Variants in TLE1 observed in about 807,000 individuals in gnomAD.
TLE1 encodes TLE family member 1, transcriptional corepressor.
A neutral mutation model predicts 89.8 loss-of-function variants in TLE1; 21 were observed. The ratio of observed to expected loss-of-function variants is 0.23; its 90% CI spans 0.17 to 0.34. The LOEUF (loss-of-function observed/expected upper bound fraction) is 0.34, where lower values mean the gene tolerates loss of function less well. Among genes scored for constraint, TLE1 ranks in the 10% least tolerant of loss-of-function variants. TLE1 has a pLI of 1.00. For synonymous variants in TLE1, 447 were observed against 407.6 expected (o/e 1.10, Z -1.16); for missense variants, 795 against 1,031.2 (o/e 0.77, Z 3.14).
intron 14 of TLE1, among the ~76,000 whole-genome samples, chr9:81,605,802 CAA>C (rs60746596): frequency 6.8e-5 from 9 of 132,640 alleles, no homozygotes; most frequent in Non-Finnish European, 8.1e-5. Flanking sequence ...TTCTGCACGG[CAA>C]AAAAAAAAAA....
chr9:81,616,063 T>C lies in TLE1; in HGVS notation c.837A>G (p.Leu279=). 3.7e-6 allele frequency: 6 copies of C among 1,614,192 alleles called. No homozygotes were observed. The highest frequency in any genetic ancestry group is 5.1e-6 in the Non-Finnish European group (6 of 1,180,030). The change falls in exon 11 of 20, where the codon CTA becomes CTG. Residue 279 remains leucine (L), a synonymous_variant. Transcript: ENST00000376499. ...CTGGACTGCTAGAAGCATCCTTCTTTAGCAGGCGATTTTTGTCGATTCCAT... is the reference window on the plus strand; with the variant it reads ...CTGGACTGCTAGAAGCATCCTTCTTCAGCAGGCGATTTTTGTCGATTCCAT... The part of the protein sequence containing the change: ...RENGIDKNRL[L]KKDASSSPAS...
intron 8 of TLE1, among the ~76,000 whole-genome samples, chr9:81,622,746 A>G (rs190667950): frequency 1.9e-3 from 283 of 152,292 alleles, no homozygotes; most frequent in African/African-American, 6.4e-3. Flanking sequence ...AATGGGCCCC[A>G]TTCAACAGCA....
In TLE1 at chr9:81,687,390, C is replaced by T. The variant is rs1834432139; in HGVS notation, c.69G>A (p.Pro23=). The T allele has an allele frequency of 6.2e-7, 1 of 1,611,166 alleles. No individual in the cohort carries two copies. The change falls in exon 2 of 20, where the codon CCG becomes CCA. Residue 23 remains proline, a synonymous_variant. Coordinates refer to ENST00000376499, the MANE Select transcript of TLE1 (RefSeq NM_005077.5). Reference sequence around the variant, plus strand: ...CCTCTTTAATCCGGTCCAGGGACTCCGGGATAGTGAACTTGAAGGGCTGGC... The same window carrying T: ...CCTCTTTAATCCGGTCCAGGGACTCTGGGATAGTGAACTTGAAGGGCTGGC... ...AAGQPFKFTI[P]ESLDRIKEEF...
intron 16 of TLE1, 23 bp from the exon 17 acceptor site, chr9:81,587,851 ATAATGATTTCC>A: frequency 6.2e-7 from 1 of 1,602,900 alleles, no homozygotes; most frequent in Non-Finnish European, 8.5e-7. Context: ...ACCAGATTGA[ATAATGATTTCC>A]TGCCAGAGCT....
chr9:81,666,592 T>G (rs536381576), intron 4 of TLE1, among the ~76,000 whole-genome samples: 2 of 151,892 alleles, frequency 1.3e-5, no homozygotes, highest in East Asian at 1.9e-4. Flanking sequence ...CTGACTAACA[T>G]GACGAAACGC....
At chr9:81,630,278 A>G (rs1826408633) in intron 8 of TLE1, among the ~76,000 whole-genome samples, 1 of 152,190 alleles carries the variant, frequency 6.6e-6, no homozygotes. Context: ...AAATACCACA[A>G]AAGAGCGAAT....
In TLE1 at chr9:81,616,675, C is replaced by T. The variant is rs1305554932; in HGVS notation, c.736G>A (p.Asp246Asn). 1.2e-6 allele frequency: 2 copies of T among 1,614,114 alleles called. No individual in the cohort carries two copies. Among genetic ancestry groups the T allele is most frequent in the Admixed American group, 1.7e-5 (1 of 60,012 alleles). ...HYDSDGDKSD[D>N]NLVVDVSNED... is the part of the protein sequence containing the mutation. ...TTAGACACATCCACAACTAAGTTGT[C>T]ATCGCTTTTGTCACCATCACTGTCC... The change falls in exon 10 of 20, where the codon GAC (aspartate) becomes AAC (asparagine). Residue 246 changes from aspartate to asparagine, a missense_variant. Asp to Asn is a conservative substitution (Grantham distance 23, BLOSUM62 1). Around this residue, in one of 4 missense-constraint regions of TLE1, gnomAD observed 468 missense variants for 509.1 expected, o/e 0.92. Coordinates refer to ENST00000376499, the MANE Select transcript of TLE1 (RefSeq NM_005077.5).
At chr9:81,627,584 G>A (rs1826058034) in intron 8 of TLE1, among the ~76,000 whole-genome samples, 1 of 152,166 alleles carries the variant, frequency 6.6e-6, no homozygotes. Context: ...AACTTGGCCA[G>A]AAGGGAAACC....
rs1554716636 is a variant in TLE1 at position 81,587,918 on chromosome 9, G to GTGTGTGTGTGTCATCCCGCC, written c.1830-91_1830-90insGGCGGGATGACACACACACA. ...TGTTAGTTTTGGACCGTGTGTGTGT[G>GTGTGTGTGTGTCATCCCGCC]TGTGTGTGTGTGTGTGTGTGTGTGT... On this transcript the variant is annotated intron_variant, in intron 16 of 19. Coordinates refer to ENST00000376499, the MANE Select transcript of TLE1 (RefSeq NM_005077.5). 52 of 909,602 alleles carry GTGTGTGTGTGTCATCCCGCC rather than the reference G, an allele frequency of 5.7e-5. 1 individual carries two copies. The highest frequency in any genetic ancestry group is 1.4e-4 in the African/African-American group (8 of 58,638). The allele number at this position is 909,602 out of a possible 1,614,324, so 56.3% of individuals were successfully genotyped here.
chr9:81,627,731 T>C (rs1371603754), intron 8 of TLE1, among the ~76,000 whole-genome samples: 1 of 152,142 alleles, frequency 6.6e-6, no homozygotes, highest in Non-Finnish European at 1.5e-5. Context: ...AATTCATAAA[T>C]ATTTAGGCAA....
At chr9:81,604,993 C>T (rs535334427) in intron 14 of TLE1, among the ~76,000 whole-genome samples, 2 of 152,256 alleles carry the variant, frequency 1.3e-5, no homozygotes, top group East Asian at 1.9e-4. Flanking sequence ...CTTTTAATGA[C>T]ATCATCAAGC....
At chr9:81,595,217 A>G (rs902200787) in intron 14 of TLE1, among the ~76,000 whole-genome samples, 4 of 152,196 alleles carry the variant, frequency 2.6e-5, no homozygotes, top group Middle Eastern at 3.2e-3. Flanking sequence ...CCTTAGCAAT[A>G]TATCGAGTCC....
intron 14 of TLE1, among the ~76,000 whole-genome samples, chr9:81,606,483 A>C (rs1270344613): frequency 6.6e-6 from 1 of 152,182 alleles, no homozygotes; most frequent in Non-Finnish European, 1.5e-5. Flanking sequence ...GACATGGATG[A>C]AGCTGGAAAC....
Position 81,632,474 on chromosome 9 carries a change from C to CTT in TLE1, c.594+873_594+874insAA, listed in dbSNP as rs1563998736. 5.1e-3 allele frequency among the ~76,000 whole-genome samples: 372 copies of CTT among 73,384 alleles called. 6 individuals carry two copies. Among genetic ancestry groups the CTT allele is most frequent in the African/African-American group, 0.017 (352 of 21,120 alleles). 48.1% of individuals were successfully genotyped at this position (73,384 alleles called of 152,430 possible). Reference sequence around the variant, plus strand: ...TTATCAGATTTAAATGTTCAGTATCCCTTTTTTTTTTTTTTTTTTTTTACC... The same window carrying CTT: ...TTATCAGATTTAAATGTTCAGTATCCTTCTTTTTTTTTTTTTTTTTTTTTACC... On this transcript the variant is annotated intron_variant, in intron 8 of 19. Coordinates refer to ENST00000376499, the MANE Select transcript of TLE1 (RefSeq NM_005077.5).
intron 15 of TLE1, among the ~76,000 whole-genome samples, chr9:81,592,335 G>A (rs1220692296): frequency 6.6e-6 from 1 of 152,236 alleles, no homozygotes; most frequent in African/African-American, 2.4e-5. Flanking sequence ...TCCAGCCTGG[G>A]CGACAGAGCA....
chr9:81,636,419 G>A (rs1827366924), intron 6 of TLE1, among the ~76,000 whole-genome samples: 1 of 131,030 alleles, frequency 7.6e-6, no homozygotes, highest in South Asian at 2.8e-4. Flanking sequence ...ATCATTACTT[G>A]GAGAGTAAGA....
At chr9:81,599,383 C>G (rs1271147059) in intron 14 of TLE1, among the ~76,000 whole-genome samples, 2 of 152,092 alleles carry the variant, frequency 1.3e-5, no homozygotes, top group African/African-American at 4.8e-5. Context: ...GTGGGACCCA[C>G]CAGGACAAAG....
chr9:81,616,764 T>G, intron 9 of TLE1, 65 bp from the exon 10 acceptor site: 1 of 1,582,892 alleles, frequency 6.3e-7, no homozygotes, highest in Non-Finnish European at 8.7e-7. Flanking sequence ...CACAGTTAGA[T>G]TTCTTTCTAT....
chr9:81,624,098 T>C (rs1825627814), intron 8 of TLE1, among the ~76,000 whole-genome samples: 1 of 152,278 alleles, frequency 6.6e-6, no homozygotes. Context: ...CCCAAAAACT[T>C]ACTTAAAATC....
Sources: gnomAD v4.1 joint callset for allele counts (sites outside exome capture counted in the v4.1 genomes callset) on GRCh38, gnomAD v4.1.1 for gene constraint, gnomAD v4.1.1 regional missense constraint, MANE v1.5 for transcripts, NCBI Gene and HGNC (gene_info 2026-07-23, HGNC 2026-07-21) for gene names.